The following MTMR6 variants were observed in gnomAD, a reference collection of about 807,000 sequenced individuals.
MTMR6 encodes myotubularin related protein 6.
A neutral mutation model predicts 80.1 loss-of-function variants in MTMR6; 47 were observed. That is an observed-to-expected ratio of 0.59 (90% CI 0.46 to 0.75). The LOEUF is 0.75. Ranked by LOEUF, MTMR6 falls within the 30% of genes least tolerant of loss-of-function variation. MTMR6 has a pLI of 0.00. For synonymous variants in MTMR6, 254 were observed against 253.0 expected (o/e 1.00, Z -0.04); for missense variants, 629 against 730.9 (o/e 0.86, Z 1.61).
At chr13:25,267,110 T>C (rs1007638118) in intron 3 of MTMR6, among the ~76,000 whole-genome samples, 3 of 151,928 alleles carry the variant, frequency 2.0e-5, no homozygotes, top group African/African-American at 7.3e-5. Context: ...TAGCCGGGTG[T>C]GGTGGTGGCT....
chr13:25,261,645 T>G (rs1482529383), intron 6 of MTMR6, 23 bp downstream of exon 6: 1 of 1,567,784 alleles, frequency 6.4e-7, no homozygotes, highest in Non-Finnish European at 8.7e-7. Context: ...ACTAGCAGAC[T>G]GTACTGTATT....
rs1271981129 is a variant in MTMR6, at chr13:25,287,454, C to T, written c.-207G>A. 9.6e-6 allele frequency: 6 copies of T among 627,192 alleles called. No individual in the cohort carries two copies. Among genetic ancestry groups the T allele is most frequent in the Non-Finnish European group, 1.7e-5 (6 of 355,010 alleles). 38.9% of individuals were successfully genotyped at this position (627,192 alleles called of 1,614,324 possible). A position where few individuals can be genotyped will look rare whatever the true frequency, so the allele number is the denominator to read the frequency against. On this transcript the variant is annotated 5_prime_UTR_variant, in exon 1 of 14. Transcript: ENST00000381801. ...ACACTTCCCCAAACCCCGCGGCCTCCCGGGGGACTCGGGGCAGGCAGACAG... is the reference window on the plus strand; with the variant it reads ...ACACTTCCCCAAACCCCGCGGCCTCTCGGGGGACTCGGGGCAGGCAGACAG...
intron 2 of MTMR6, among the ~76,000 whole-genome samples, chr13:25,268,997 C>T (rs1389396646): frequency 6.6e-6 from 1 of 152,186 alleles, no homozygotes; most frequent in Non-Finnish European, 1.5e-5. Flanking sequence ...AATAGCCAAG[C>T]CCAGATACTG....
chr13:25,265,929 T>C lies in MTMR6; in HGVS notation c.481A>G (p.Arg161Gly), dbSNP rs775083393. The C allele has an allele frequency of 6.2e-7, 1 of 1,613,832 alleles. No individual in the cohort carries two copies. Among genetic ancestry groups the C allele is most frequent in the Non-Finnish European group, 8.5e-7 (1 of 1,179,708 alleles). ...RDYKICETYP[R>G]ELYVPRIASK... ...GCTATCCGGGGAACATAAAGTTCTC[T>C]GGGGTAAGTTTCACAAATCTGTAAA... The change falls in exon 5 of 14, where the codon AGA becomes GGA. Residue 161 changes from arginine (R) to glycine (G), a missense_variant. Arg to Gly is a moderately radical substitution (Grantham distance 125). Coordinates refer to ENST00000381801, the MANE Select transcript of MTMR6 (RefSeq NM_004685.5).
At chr13:25,278,662 G>A (rs7323210) in intron 1 of MTMR6, among the ~76,000 whole-genome samples, 93,102 of 139,694 alleles carry the variant, frequency 0.67, 34,128 homozygotes, top group Non-Finnish European at 0.84. Context: ...GCAGTGAGCC[G>A]AAATTGCATC....
chr13:25,257,473 A>G (rs1432990953), intron 8 of MTMR6, 152 bp from the exon 9 acceptor site: 1 of 982,924 alleles, frequency 1.0e-6, no homozygotes, highest in Non-Finnish European at 1.4e-6. Flanking sequence ...ACAACAAAAT[A>G]TGGTAACAAC....
chr13:25,286,590 C>G (rs1482998894), intron 1 of MTMR6, among the ~76,000 whole-genome samples: 1 of 152,164 alleles, frequency 6.6e-6, no homozygotes, highest in Non-Finnish European at 1.5e-5. Flanking sequence ...TAAGGTCAAT[C>G]GAATAAAGCT....
At chr13:25,261,589 G>A in intron 6 of MTMR6, 79 bp downstream of exon 6, 3 of 1,209,672 alleles carry the variant, frequency 2.5e-6, no homozygotes, top group Non-Finnish European at 3.3e-6. Flanking sequence ...TTTAAATATG[G>A]GCAAGTTTAT....
chr13:25,279,121 A>G (rs1037291908), intron 1 of MTMR6, among the ~76,000 whole-genome samples: 11 of 152,168 alleles, frequency 7.2e-5, no homozygotes, highest in Non-Finnish European at 1.6e-4. Flanking sequence ...TGGATAATAA[A>G]TGTCAGGTAC....
chr13:25,255,002 T>C (rs532273883), intron 9 of MTMR6, among the ~76,000 whole-genome samples: 61 of 152,352 alleles, frequency 4.0e-4, no homozygotes, highest in African/African-American at 1.4e-3. Flanking sequence ...TGACTTTATG[T>C]TTTCCTTGCC....
chr13:25,286,682 T>A (rs1957959556), intron 1 of MTMR6, among the ~76,000 whole-genome samples: 1 of 152,020 alleles, frequency 6.6e-6, no homozygotes, highest in Admixed American at 6.5e-5. Flanking sequence ...ATGCCTGAAG[T>A]ATGAAGCACA....
intron 5 of MTMR6, among the ~76,000 whole-genome samples, chr13:25,262,692 AG>A (rs1361195637): frequency 6.6e-6 from 1 of 152,236 alleles, no homozygotes; most frequent in Admixed American, 6.5e-5. Context: ...TCCTAAAAAA[AG>A]ATTTAAAAGA....
intron 1 of MTMR6, among the ~76,000 whole-genome samples, chr13:25,282,525 TC>T (rs979107123): frequency 5.3e-5 from 8 of 151,936 alleles, no homozygotes; most frequent in African/African-American, 1.9e-4. Context: ...ACTGTCACCT[TC>T]CCATCTGTGC....
intron 9 of MTMR6, among the ~76,000 whole-genome samples, chr13:25,255,006 C>T (rs1957167950): frequency 1.3e-5 from 2 of 152,252 alleles, no homozygotes; most frequent in South Asian, 2.1e-4. Flanking sequence ...TTTATGTTTT[C>T]CTTGCCACAG....
chr13:25,258,980 A>T (rs1462060806), intron 6 of MTMR6, among the ~76,000 whole-genome samples: 1 of 152,186 alleles, frequency 6.6e-6, no homozygotes, highest in Non-Finnish European at 1.5e-5. Context: ...TATGTTTGTA[A>T]TATTTTAAAA....
chr13:25,254,440 T>C lies in MTMR6; in HGVS notation c.1096-6A>G, dbSNP rs751092086. The C allele has an allele frequency of 6.6e-7, 1 of 1,521,192 alleles. No individual in the cohort carries two copies. Among genetic ancestry groups the C allele is most frequent in the South Asian group, 1.2e-5 (1 of 86,522 alleles). 94.2% of individuals were successfully genotyped at this position (1,521,192 alleles called of 1,614,324 possible). A position where few individuals can be genotyped will look rare whatever the true frequency, so the allele number is the denominator to read the frequency against. ...CAATCCTTTTCTATTAAAACCTTAA[T>C]GAGAAAAAGTAAAATTCACTTTCTG... On this transcript the variant is annotated splice_region_variant and splice_polypyrimidine_tract_variant and intron_variant, in intron 9 of 13. Transcript: ENST00000381801.
rs1253325956 is a variant in MTMR6 at position 25,253,906 on chromosome 13, C to G, written c.1204G>C (p.Glu402Gln). The G allele has an allele frequency of 6.2e-7, 1 of 1,614,162 alleles. No homozygotes were observed. The highest frequency in any genetic ancestry group is 1.3e-5 in the African/African-American group (1 of 75,036). Residue 402 changes from glutamate (E) to glutamine (Q), a missense_variant, in exon 11 of 14, where the codon GAA becomes CAA. Glu to Gln is a conservative substitution (Grantham distance 29). Transcript: ENST00000381801. ...EVSPVFTQFL[E>Q]CVWHLTEQFP... is the part of the protein sequence containing the mutation. ...TGTTCGGTCAAATGCCACACACATT[C>G]CAAGAACTGAGTAAACACTGGTGAG...
chr13:25,269,634 T>C (rs1957527613), intron 2 of MTMR6, among the ~76,000 whole-genome samples: 1 of 152,040 alleles, frequency 6.6e-6, no homozygotes, highest in Non-Finnish European at 1.5e-5. Flanking sequence ...TAGTGAGGGA[T>C]GATTATTTAT....
intron 8 of MTMR6, among the ~76,000 whole-genome samples, 157 bp downstream of exon 8, chr13:25,257,579 A>G (rs897756797): frequency 1.7e-4 from 26 of 152,226 alleles, no homozygotes; most frequent in Admixed American, 1.2e-3. Flanking sequence ...TAAGTGCTAC[A>G]TGATATTTTT....
Sources: allele counts gnomAD v4.1 joint callset (sites outside exome capture counted in the v4.1 genomes callset), GRCh38; gene constraint gnomAD v4.1.1; transcripts MANE v1.5; gene names NCBI Gene and HGNC (gene_info 2026-07-23, HGNC 2026-07-21).